The following LGSN variants were observed in gnomAD, a reference collection of about 807,000 sequenced individuals.
LGSN encodes lengsin, lens protein with glutamine synthetase domain.
In LGSN, 21 loss-of-function variants were observed where a neutral mutation model predicts 19.5. That is an observed-to-expected ratio of 1.07 (90% CI 0.76 to 1.55). The LOEUF (loss-of-function observed/expected upper bound fraction) is 1.55. Ranked by LOEUF, LGSN falls within the 40% of genes most tolerant of loss-of-function variation. LGSN has a pLI of 0.00. For missense variants in LGSN, 673 were observed against 608.5 expected (o/e 1.11, Z -1.12); for synonymous variants, 257 against 215.6 (o/e 1.19, Z -1.68).
chr6:63,562,281 C>A, the LGSN span, among the ~76,000 whole-genome samples: 1 of 150,924 alleles, frequency 6.6e-6, no homozygotes, highest in African/African-American at 2.4e-5. Flanking sequence ...CTCACCACAA[C>A]CTTCGCCTCC....
At chr6:63,355,909 C>T in the LGSN span, among the ~76,000 whole-genome samples, 1 of 152,152 alleles carries the variant, frequency 6.6e-6, no homozygotes, top group Non-Finnish European at 1.5e-5. Context: ...GAACTCCTGA[C>T]CTCAGGTGAC....
chr6:63,555,684 ATTACACTCTTTT>A, the LGSN span, among the ~76,000 whole-genome samples: 164 of 149,940 alleles, frequency 1.1e-3, no homozygotes, highest in Non-Finnish European at 2.0e-3. Context: ...TCACTTCTCA[ATTACACTCTTTT>A]TTTTTTTTTT....
the LGSN span, among the ~76,000 whole-genome samples, chr6:63,536,957 A>G: frequency 6.6e-6 from 1 of 152,182 alleles, no homozygotes; most frequent in Non-Finnish European, 1.5e-5. Flanking sequence ...CAACTGGGTA[A>G]CATGTCAAAT....
At chr6:63,497,599 A>G in the LGSN span, among the ~76,000 whole-genome samples, 1 of 152,040 alleles carries the variant, frequency 6.6e-6, no homozygotes, top group Non-Finnish European at 1.5e-5. Flanking sequence ...ACATTGCCCA[A>G]CACTAAGAGA....
At chr6:63,432,756 G>T in the LGSN span, among the ~76,000 whole-genome samples, 1 of 151,666 alleles carries the variant, frequency 6.6e-6, no homozygotes, top group Non-Finnish European at 1.5e-5. Flanking sequence ...ATTTTACTGG[G>T]ACTTAGGTTA....
At chr6:63,556,317 C>T in the LGSN span, among the ~76,000 whole-genome samples, 1 of 151,548 alleles carries the variant, frequency 6.6e-6, no homozygotes, top group Non-Finnish European at 1.5e-5. Flanking sequence ...TAACATCAAA[C>T]TTGGTTTTTT....
chr6:63,318,757 T>C (rs947928402), intron 1 of LGSN, among the ~76,000 whole-genome samples: 1 of 152,134 alleles, frequency 6.6e-6, no homozygotes. Context: ...GGACTAAAAT[T>C]GTGGGAGCTG....
upstream of LGSN, among the ~76,000 whole-genome samples, chr6:63,323,757 C>T (rs561764130): frequency 1.6e-4 from 24 of 148,414 alleles, no homozygotes; most frequent in African/African-American, 2.2e-4. Context: ...ACTGGAATCT[C>T]GTATGTTTTT....
At chr6:63,562,416 C>T in the LGSN span, among the ~76,000 whole-genome samples, 1 of 152,116 alleles carries the variant, frequency 6.6e-6, no homozygotes, top group Non-Finnish European at 1.5e-5. Context: ...TCAGGCTGGT[C>T]TCGAACTCCC....
chr6:63,432,152 A>AGG, the LGSN span, among the ~76,000 whole-genome samples: 39 of 119,964 alleles, frequency 3.3e-4, 2 homozygotes, highest in Admixed American at 1.0e-3. Context: ...AAAGAAAGAA[A>AGG]GAAAGAAAGA....
the LGSN span, among the ~76,000 whole-genome samples, chr6:63,334,094 T>C: frequency 6.6e-6 from 1 of 152,148 alleles, no homozygotes; most frequent in Non-Finnish European, 1.5e-5. Flanking sequence ...ACCACTTATA[T>C]TCAACATAGT....
At chr6:63,363,789 C>A in the LGSN span, among the ~76,000 whole-genome samples, 1 of 152,232 alleles carries the variant, frequency 6.6e-6, no homozygotes, top group East Asian at 1.9e-4. Context: ...GGGTATTATC[C>A]AGGAAAACTT....
At chr6:63,479,606 G>T in the LGSN span, among the ~76,000 whole-genome samples, 103 of 152,176 alleles carry the variant, frequency 6.8e-4, no homozygotes, top group African/African-American at 2.4e-3. Context: ...TGAGCATGGT[G>T]GTGGGCACCT....
chr6:63,490,402 A>G, the LGSN span, among the ~76,000 whole-genome samples: 1 of 152,190 alleles, frequency 6.6e-6, no homozygotes, highest in South Asian at 2.1e-4. Context: ...ATGATGACCA[A>G]TCAAGCAAAA....
chr6:63,369,176 C>T, the LGSN span, among the ~76,000 whole-genome samples: 1 of 152,200 alleles, frequency 6.6e-6, no homozygotes, highest in Non-Finnish European at 1.5e-5. Flanking sequence ...AACATCCATC[C>T]AGCATGATCT....
At chr6:63,311,926 T>G (rs1768644045) in intron 1 of LGSN, among the ~76,000 whole-genome samples, 1 of 152,204 alleles carries the variant, frequency 6.6e-6, no homozygotes, top group Non-Finnish European at 1.5e-5. Flanking sequence ...AACCACATTC[T>G]ACTCTCTGCT....
At chr6:63,506,597 C>T in the LGSN span, among the ~76,000 whole-genome samples, 1 of 152,142 alleles carries the variant, frequency 6.6e-6, no homozygotes, top group Non-Finnish European at 1.5e-5. Flanking sequence ...TTTCCTTATT[C>T]ATTCTGTTCA....
chr6:63,518,588 A>G, the LGSN span, among the ~76,000 whole-genome samples: 1 of 152,118 alleles, frequency 6.6e-6, no homozygotes, highest in Non-Finnish European at 1.5e-5. Flanking sequence ...AAGAAATGTA[A>G]TGCTCAGTGA....
At chr6:63,299,530 G>A (rs1768104795) in intron 1 of LGSN, among the ~76,000 whole-genome samples, 1 of 152,190 alleles carries the variant, frequency 6.6e-6, no homozygotes, top group Non-Finnish European at 1.5e-5. Context: ...CATCCTTTTA[G>A]AAGTGAAATT....
Sources: allele counts gnomAD v4.1 joint callset (sites outside exome capture counted in the v4.1 genomes callset), GRCh38; gene constraint gnomAD v4.1.1; transcripts MANE v1.5; gene names NCBI Gene and HGNC (gene_info 2026-07-23, HGNC 2026-07-21).